Variants in FOXP1 observed in about 807,000 individuals in gnomAD.
FOXP1 encodes forkhead box P1, also known as forkhead box protein P1.
Under a neutral mutation model 98.2 loss-of-function variants are expected in FOXP1, and 15 were observed. That is an observed-to-expected ratio of 0.15 (90% CI 0.10 to 0.24). The LOEUF is 0.24. FOXP1 is among the 10% of genes least tolerant of loss of function. FOXP1 has a pLI of 1.00. For missense variants in FOXP1, 633 were observed against 848.5 expected (o/e 0.75, Z 3.15); for synonymous variants, 371 against 314.5 (o/e 1.18, Z -1.90).
At chr3:71,248,101 G>T (rs879627169) in intron 5 of FOXP1, among the ~76,000 whole-genome samples, 3 of 152,188 alleles carry the variant, frequency 2.0e-5, no homozygotes, top group Admixed American at 2.0e-4. Context: ...AATTACACAA[G>T]CCAATTAAAT....
intron 3 of FOXP1, among the ~76,000 whole-genome samples, chr3:71,395,548 C>G (rs2081323398): frequency 6.6e-6 from 1 of 151,786 alleles, no homozygotes; most frequent in Non-Finnish European, 1.5e-5. Flanking sequence ...TAAACTGGCC[C>G]AGGGGCACTC....
At chr3:71,094,745 G>C (rs977124857) in intron 7 of FOXP1, among the ~76,000 whole-genome samples, 1 of 152,156 alleles carries the variant, frequency 6.6e-6, no homozygotes, top group Non-Finnish European at 1.5e-5. Flanking sequence ...CCAACCAGGA[G>C]CCACACCAGG....
chr3:71,153,160 C>T (rs545538711), intron 6 of FOXP1, among the ~76,000 whole-genome samples: 2 of 152,224 alleles, frequency 1.3e-5, no homozygotes, highest in African/African-American at 4.8e-5. Flanking sequence ...GGCAATTGTG[C>T]GGCACTTGGT....
chr3:71,403,591 G>C (rs1347187264), intron 3 of FOXP1, among the ~76,000 whole-genome samples: 1 of 152,246 alleles, frequency 6.6e-6, no homozygotes, highest in Non-Finnish European at 1.5e-5. Flanking sequence ...GCTCATGCCT[G>C]TGATCCCAAT....
chr3:71,082,397 G>A (rs759416439), intron 7 of FOXP1, among the ~76,000 whole-genome samples: 3 of 148,072 alleles, frequency 2.0e-5, no homozygotes, highest in Non-Finnish European at 3.0e-5. Context: ...AACAACACAC[G>A]TTCTCACTCG....
At chr3:71,140,326 C>A (rs78590269) in intron 6 of FOXP1, among the ~76,000 whole-genome samples, 1 of 152,224 alleles carries the variant, frequency 6.6e-6, no homozygotes, top group East Asian at 1.9e-4. Flanking sequence ...AAGATTTGAT[C>A]GCATTTATGA....
At chr3:70,972,459 T>C (rs2036468618) in intron 18 of FOXP1, 96 bp downstream of exon 18, 2 of 1,546,982 alleles carry the variant, frequency 1.3e-6, no homozygotes, top group Non-Finnish European at 1.8e-6. Context: ...TGAAACCAGT[T>C]CTTTGGTCTA....
At chr3:71,502,086 T>G (rs185980578) in intron 2 of FOXP1, among the ~76,000 whole-genome samples, 1 of 152,236 alleles carries the variant, frequency 6.6e-6, no homozygotes, top group African/African-American at 2.4e-5. Context: ...ACCCTATCTA[T>G]AACAAGTTGC....
intron 6 of FOXP1, among the ~76,000 whole-genome samples, chr3:71,135,053 G>A (rs943874157): frequency 1.3e-5 from 2 of 152,006 alleles, no homozygotes; most frequent in African/African-American, 4.8e-5. Context: ...GGTCAAAAGA[G>A]ATCGAGACCA....
rs1553650568 is a variant in FOXP1 at position 70,958,318 on chromosome 3, T to TTTTTCTG, written c.*928_*929insCAGAAAA. 2.1e-3 allele frequency: 1,136 copies of TTTTTCTG among 536,684 alleles called. 13 individuals carry two copies. The highest frequency in any genetic ancestry group is 0.019 in the African/African-American group (1,033 of 53,674). 33.2% of individuals were successfully genotyped at this position (536,684 alleles called of 1,614,324 possible). On this transcript the variant is annotated 3_prime_UTR_variant, in exon 21 of 21. Transcript: ENST00000649528. Reference sequence around the variant, plus strand: ...TTCCTAGAGTTTGTCTCTCTTTTTTTTTTCTGTCATTCATTCTCTTTCTGG... The same window carrying TTTTTCTG: ...TTCCTAGAGTTTGTCTCTCTTTTTTTTTTTCTGTTTCTGTCATTCATTCTCTTTCTGG...
intron 3 of FOXP1, among the ~76,000 whole-genome samples, chr3:71,416,522 G>T (rs1263062537): frequency 6.7e-6 from 1 of 149,894 alleles, no homozygotes; most frequent in Non-Finnish European, 1.5e-5. Flanking sequence ...TCCAGCCTGG[G>T]CCACAGAACA....
chr3:71,323,886 C>G (rs1362769811), intron 4 of FOXP1, among the ~76,000 whole-genome samples: 1 of 152,172 alleles, frequency 6.6e-6, no homozygotes, highest in African/African-American at 2.4e-5. Flanking sequence ...GGGATCCTGT[C>G]CCAGCACTAC....
rs2048178427 is a variant in FOXP1 at position 71,581,645 on chromosome 3, G to A, written c.-394C>T. 7 of 985,868 alleles carry A rather than the reference G, an allele frequency of 7.1e-6. No individual in the cohort carries two copies. The highest frequency in any genetic ancestry group is 8.4e-6 in the Non-Finnish European group (7 of 830,082). 61.1% of individuals were successfully genotyped at this position (985,868 alleles called of 1,614,324 possible). A position where few individuals can be genotyped will look rare whatever the true frequency, so the allele number is the denominator to read the frequency against. ...CCCCGGCGCCGCTGCCGCTGCCCCC[G>A]GCCCGCTCGCTCGCTCGCCGCGCGC... is the stretch of plus-strand genomic sequence containing the variant. On this transcript the variant is annotated 5_prime_UTR_variant, in exon 2 of 21. Coordinates refer to ENST00000649528, the MANE Select transcript of FOXP1 (RefSeq NM_001349338.3).
chr3:71,401,732 T>A (rs530777781), intron 3 of FOXP1, among the ~76,000 whole-genome samples: 113 of 152,150 alleles, frequency 7.4e-4, no homozygotes, highest in Non-Finnish European at 8.1e-4. Context: ...CTTCCTTCGC[T>A]AAATCTTGTT....
At chr3:71,580,978 G>A (rs905523587) in intron 2 of FOXP1, 3 of 985,400 alleles carry the variant, frequency 3.0e-6, no homozygotes, top group East Asian at 1.1e-4. Flanking sequence ...CCCCTCAGAA[G>A]TGGACTGCAT....
rs534455362 is a variant in FOXP1, at chr3:71,582,164, C to T, written c.-446-467G>A. 4.4e-4 allele frequency: 432 copies of T among 983,064 alleles called. 1 individual carries two copies. The African/African-American group carries it at 7.4e-3, about 17-fold the overall frequency. The allele number at this position is 983,064 out of a possible 1,614,324, so 60.9% of individuals were successfully genotyped here. On this transcript the variant is annotated intron_variant, in intron 1 of 20. Coordinates refer to ENST00000649528, the MANE Select transcript of FOXP1 (RefSeq NM_001349338.3). ...TCCGGGAGCGGAGCTCCCCAGAGCC[C>T]GTGTGTGTCACTGCCAGTCTCCCGG...
intron 14 of FOXP1, among the ~76,000 whole-genome samples, chr3:70,979,315 A>AAAAAAG (rs869111782): frequency 2.8e-5 from 4 of 143,796 alleles, no homozygotes; most frequent in African/African-American, 5.1e-5. Context: ...AAAAAAAAAA[A>AAAAAAG]AAAAAGAAAA....
intron 5 of FOXP1, among the ~76,000 whole-genome samples, chr3:71,238,152 A>G (rs1239281666): frequency 3.3e-5 from 5 of 152,236 alleles, no homozygotes; most frequent in Non-Finnish European, 7.3e-5. Context: ...CAGGCTACAT[A>G]TAGATTAGCG....
intron 6 of FOXP1, among the ~76,000 whole-genome samples, chr3:71,191,187 A>C (rs2108338101): frequency 6.6e-6 from 1 of 152,324 alleles, no homozygotes; most frequent in African/African-American, 2.4e-5. Flanking sequence ...CCATTGCAAA[A>C]CAGCAAAGTA....
Sources: allele counts gnomAD v4.1 joint callset (sites outside exome capture counted in the v4.1 genomes callset), GRCh38; gene constraint gnomAD v4.1.1; transcripts MANE v1.5; gene names NCBI Gene and HGNC (gene_info 2026-07-23, HGNC 2026-07-21).